IFT140: variants seen among roughly 807,000 people sequenced by gnomAD.
The protein encoded by IFT140 is intraflagellar transport protein 140 homolog.
In IFT140, 133 loss-of-function variants were observed where a neutral mutation model predicts 164.6. The ratio of observed to expected loss-of-function variants is 0.81; its 90% confidence interval spans 0.70 to 0.93. The LOEUF (loss-of-function observed/expected upper bound fraction) is 0.93, where lower values mean the gene tolerates loss of function less well. IFT140 is among the 40% of genes least tolerant of loss of function. IFT140 has a pLI of 0.00. For missense variants in IFT140, 2,045 were observed against 1,972.3 expected (o/e 1.04, Z -0.70); for synonymous variants, 860 against 817.3 (o/e 1.05, Z -0.89).
At chr16:1,594,276 A>C (rs2035339836) in intron 4 of IFT140, among the ~76,000 whole-genome samples, 1 of 150,802 alleles carries the variant, frequency 6.6e-6, no homozygotes, top group African/African-American at 2.4e-5. Flanking sequence ...GCTGGAATGG[A>C]GTGGTGCAAT....
chr16:1,593,916 A>G (rs892930210), intron 4 of IFT140, among the ~76,000 whole-genome samples: 4 of 151,970 alleles, frequency 2.6e-5, no homozygotes, highest in Non-Finnish European at 5.9e-5. Context: ...GATACACCCT[A>G]CCCTCAGGGG....
intron 13 of IFT140, among the ~76,000 whole-genome samples, chr16:1,578,597 C>T (rs931201430): frequency 6.7e-5 from 10 of 148,886 alleles, no homozygotes; most frequent in African/African-American, 2.0e-4. Flanking sequence ...AAAAAAAAGA[C>T]ATGGCCGGGC....
At chr16:1,545,233 C>T (rs891284110) in intron 19 of IFT140, among the ~76,000 whole-genome samples, 29 of 152,208 alleles carry the variant, frequency 1.9e-4, no homozygotes, top group Middle Eastern at 3.4e-3. Flanking sequence ...TGCTCCAACA[C>T]GACCTCTGAC....
At chr16:1,550,881 G>A (rs546365480) in intron 19 of IFT140, among the ~76,000 whole-genome samples, 9 of 152,324 alleles carry the variant, frequency 5.9e-5, no homozygotes, top group East Asian at 5.8e-4. Flanking sequence ...CGTGGTCCCC[G>A]GCGTGCCAGT....
chr16:1,526,100 T>C (rs2040686650), intron 20 of IFT140, 23 bp from the exon 21 acceptor site: 1 of 1,558,858 alleles, frequency 6.4e-7, no homozygotes, highest in Admixed American at 1.9e-5. Flanking sequence ...GATGGGCAGG[T>C]GTCGTGCAGC....
At chr16:1,585,224 T>C (rs987651702) in intron 10 of IFT140, among the ~76,000 whole-genome samples, 3 of 152,204 alleles carry the variant, frequency 2.0e-5, no homozygotes, top group Non-Finnish European at 4.4e-5. Context: ...CAGCAGAGAA[T>C]GTGATTCAGC....
At chr16:1,577,374 T>G (rs1480824738) in intron 13 of IFT140, 1 of 152,258 alleles carries the variant, frequency 6.6e-6, no homozygotes. Flanking sequence ...ACTGTAAGAA[T>G]GCACTATGTA....
At position 1,568,897 on chromosome 16, in the gene IFT140, C is replaced by T. The variant is rs1027717168; in HGVS notation, c.1653-563G>A. 1.8e-4 allele frequency among the ~76,000 whole-genome samples: 28 copies of T among 152,332 alleles called. 1 individual carries two copies. Among genetic ancestry groups the T allele is most frequent in the African/African-American group, 6.7e-4 (28 of 41,576 alleles). On this transcript the variant is annotated intron_variant, in intron 14 of 30. Coordinates refer to ENST00000426508, the MANE Select transcript of IFT140 (RefSeq NM_014714.4). Reference sequence around the variant, plus strand: ...CCGCTGTGACAGCTGCACAGTTTCCCGTCATAGGGACACACTGAGCTATTT... The same window carrying T: ...CCGCTGTGACAGCTGCACAGTTTCCTGTCATAGGGACACACTGAGCTATTT...
At chr16:1,566,805 C>T (rs554626479) in intron 15 of IFT140, among the ~76,000 whole-genome samples, 1 of 152,240 alleles carries the variant, frequency 6.6e-6, no homozygotes, top group African/African-American at 2.4e-5. Context: ...TCAGAATGCA[C>T]CCTCGACCTT....
At chr16:1,580,985 C>A in intron 12 of IFT140, 135 bp from the exon 13 acceptor site, 1 of 625,188 alleles carries the variant, frequency 1.6e-6, no homozygotes. Flanking sequence ...ACTATCTGCA[C>A]CTCGCAGATG....
chr16:1,549,807 T>C (rs2032484381), intron 19 of IFT140, among the ~76,000 whole-genome samples: 1 of 152,150 alleles, frequency 6.6e-6, no homozygotes, highest in Non-Finnish European at 1.5e-5. Flanking sequence ...TCCCTCCTGC[T>C]TTGTGACGGT....
chr16:1,609,644 C>T (rs2036243566), intron 2 of IFT140, among the ~76,000 whole-genome samples: 1 of 152,186 alleles, frequency 6.6e-6, no homozygotes, highest in Admixed American at 6.5e-5. Flanking sequence ...ATATAAGAAA[C>T]GGGTTCCAGG....
At position 1,580,988 on chromosome 16, in the gene IFT140, C is replaced by T. The variant is rs2755186; in HGVS notation, c.1433-138G>A. On this transcript the variant is annotated intron_variant, in intron 12 of 30. Coordinates refer to ENST00000426508, the MANE Select transcript of IFT140 (RefSeq NM_014714.4). ...TCATAGGGGTGCACTATCTGCACCT[C>T]GCAGATGAAGAAAATGAGGCTCTGA... is the stretch of plus-strand genomic sequence containing the variant. 5.4e-3 allele frequency: 3,343 copies of T among 616,818 alleles called. 88 individuals carry two copies. The African/African-American group carries it at 0.055, about 10-fold the overall frequency. The allele number at this position is 616,818 out of a possible 1,614,324, so 38.2% of individuals were successfully genotyped here. A position where few individuals can be genotyped will look rare whatever the true frequency, so the allele number is the denominator to read the frequency against.
intron 2 of IFT140, among the ~76,000 whole-genome samples, chr16:1,609,103 C>T (rs914144498): frequency 9.9e-5 from 15 of 151,720 alleles, no homozygotes; most frequent in Non-Finnish European, 1.8e-4. Flanking sequence ...TGCAGTGAGC[C>T]GAGATCTTGC....
At chr16:1,534,652 C>T (rs1167324887) in intron 19 of IFT140, 2 of 1,539,570 alleles carry the variant, frequency 1.3e-6, no homozygotes. Flanking sequence ...GTGGGGAGGC[C>T]TGGCCCCTGC....
At chr16:1,597,501 C>T (rs1009548335) in intron 4 of IFT140, among the ~76,000 whole-genome samples, 16 of 152,200 alleles carry the variant, frequency 1.1e-4, no homozygotes, top group African/African-American at 3.6e-4. Flanking sequence ...CTGGTCTGGG[C>T]TGATTCCACG....
At chr16:1,544,632 A>T (rs2031987189) in intron 19 of IFT140, among the ~76,000 whole-genome samples, 1 of 151,562 alleles carries the variant, frequency 6.6e-6, no homozygotes, top group African/African-American at 2.4e-5. Context: ...GCCCAGCTGG[A>T]TCACTGCATT....
At chr16:1,608,648 A>G (rs1327459711) in intron 2 of IFT140, among the ~76,000 whole-genome samples, 3 of 151,516 alleles carry the variant, frequency 2.0e-5, no homozygotes, top group African/African-American at 4.8e-5. Flanking sequence ...AAAAAAAAAA[A>G]AAAGAAACCC....
chr16:1,574,038 C>A (rs1005108098), intron 13 of IFT140, among the ~76,000 whole-genome samples: 1 of 152,014 alleles, frequency 6.6e-6, no homozygotes, highest in South Asian at 2.1e-4. Flanking sequence ...TGAGAACTAA[C>A]CTGATAAGCT....
Sources: gnomAD v4.1 joint callset for allele counts (sites outside exome capture counted in the v4.1 genomes callset) on GRCh38, gnomAD v4.1.1 for gene constraint, MANE v1.5 for transcripts, NCBI Gene and HGNC (gene_info 2026-07-23, HGNC 2026-07-21) for gene names.